Variants in UPP2 observed in about 807,000 individuals in gnomAD.
The protein encoded by UPP2 is uridine phosphorylase 2.
UPP2 carries 23 observed loss-of-function variants against 26.7 expected under a neutral mutation model. The observed-to-expected ratio is 0.86, with a 90% confidence interval of 0.62 to 1.22. The LOEUF (loss-of-function observed/expected upper bound fraction) is 1.22, where lower values mean the gene tolerates loss of function less well. Ranked by LOEUF, UPP2 falls within the 50% of genes most tolerant of loss-of-function variation. The probability of loss-of-function intolerance (pLI) is 0.00; values close to 1 mark genes in which losing one functional copy is unlikely to be tolerated. For missense variants in UPP2, 387 were observed against 396.7 expected (o/e 0.98, Z 0.21); for synonymous variants, 127 against 141.3 (o/e 0.90, Z 0.72).
chr2:158,051,301 A>G (rs1010435000), intron 3 of UPP2, among the ~76,000 whole-genome samples: 22 of 152,154 alleles, frequency 1.4e-4, no homozygotes, highest in African/African-American at 5.1e-4. Context: ...TGCATACTTC[A>G]TAATTAAATT....
At chr2:158,133,506 AG>A in intron 6 of UPP2, among the ~76,000 whole-genome samples, 1 of 152,324 alleles carries the variant, frequency 6.6e-6, no homozygotes, top group East Asian at 1.9e-4. Context: ...TTAAGAGAGT[AG>A]ATTTTAATTG....
At chr2:158,103,287 C>G (rs1390461726) in intron 1 of UPP2, among the ~76,000 whole-genome samples, 4 of 152,042 alleles carry the variant, frequency 2.6e-5, no homozygotes, top group Admixed American at 6.6e-5. Flanking sequence ...GACAGGGCAT[C>G]AAGGAAAACT....
intron 2 of UPP2, among the ~76,000 whole-genome samples, chr2:158,107,423 C>T (rs897218653): frequency 5.3e-5 from 8 of 152,158 alleles, no homozygotes; most frequent in South Asian, 2.1e-4. Flanking sequence ...GTTACAGTTA[C>T]ACCATAGAGT....
chr2:158,039,017 C>T (rs1013907110), intron 3 of UPP2, among the ~76,000 whole-genome samples: 43 of 152,200 alleles, frequency 2.8e-4, no homozygotes, highest in African/African-American at 9.9e-4. Context: ...CTGAGATACT[C>T]CCTGTTCCCA....
intron 3 of UPP2, among the ~76,000 whole-genome samples, chr2:158,092,135 T>C (rs1412260785): frequency 6.6e-6 from 1 of 152,088 alleles, no homozygotes; most frequent in African/African-American, 2.4e-5. Context: ...GAGGACAAAC[T>C]GAGGTGGCCT....
intron 3 of UPP2, among the ~76,000 whole-genome samples, chr2:158,032,068 G>C (rs2105157135): frequency 6.6e-6 from 1 of 152,188 alleles, no homozygotes; most frequent in Non-Finnish European, 1.5e-5. Flanking sequence ...AATGGTACAG[G>C]GTCTGTAAAC....
chr2:158,042,418 C>A (rs773787917), intron 3 of UPP2, among the ~76,000 whole-genome samples: 66 of 152,206 alleles, frequency 4.3e-4, no homozygotes, highest in Non-Finnish European at 7.1e-4. Flanking sequence ...CAGATGCCGC[C>A]CTTCCCCCAT....
chr2:158,075,999 A>G (rs1010804846), intron 3 of UPP2, among the ~76,000 whole-genome samples: 1 of 152,034 alleles, frequency 6.6e-6, no homozygotes, highest in African/African-American at 2.4e-5. Flanking sequence ...AGACATTACA[A>G]CTGATTCCAC....
At chr2:158,052,594 C>T (rs1206030504) in intron 3 of UPP2, among the ~76,000 whole-genome samples, 1 of 152,100 alleles carries the variant, frequency 6.6e-6, no homozygotes, top group Non-Finnish European at 1.5e-5. Flanking sequence ...ACATTGGTTG[C>T]CATATATTAG....
intron 2 of UPP2, among the ~76,000 whole-genome samples, chr2:158,106,754 A>G (rs1472345184): frequency 6.6e-6 from 1 of 152,150 alleles, no homozygotes; most frequent in Non-Finnish European, 1.5e-5. Context: ...ATTTTATCTG[A>G]CATATTTTAA....
intron 3 of UPP2, among the ~76,000 whole-genome samples, chr2:158,084,976 G>C (rs1246657500): frequency 6.6e-6 from 1 of 152,076 alleles, no homozygotes; most frequent in Non-Finnish European, 1.5e-5. Context: ...TGGCTATGCA[G>C]ACTCTTTTTT....
intron 3 of UPP2, among the ~76,000 whole-genome samples, chr2:158,071,437 G>C (rs1390522859): frequency 1.3e-5 from 2 of 151,506 alleles, no homozygotes; most frequent in East Asian, 2.0e-4. Flanking sequence ...TGTAATCCCA[G>C]CTACTGGAGA....
At position 158,121,603 on chromosome 2, in the gene UPP2, T is replaced by A; in HGVS notation, c.649T>A (p.Tyr217Asn). The change falls in exon 5 of 7, where the codon TAT (tyrosine) becomes AAT (asparagine). Residue 217 changes from tyrosine to asparagine, a missense_variant. Transcript: ENST00000005756. ...PTLVGHTMCT[Y>N]DFYEGQGRLD... is the part of the protein sequence containing the mutation. ...CCTCGTTGGACATACAATGTGTACC[T>A]ATGATTTTTATGAAGGTGAGAACAA... 2 of 1,612,756 alleles carry A rather than the reference T, an allele frequency of 1.2e-6. No individual in the cohort carries two copies. Among genetic ancestry groups the A allele is most frequent in the Non-Finnish European group, 1.7e-6 (2 of 1,178,792 alleles).
intron 2 of UPP2, among the ~76,000 whole-genome samples, chr2:158,106,920 G>T (rs924985807): frequency 1.3e-5 from 2 of 152,150 alleles, no homozygotes; most frequent in African/African-American, 4.8e-5. Flanking sequence ...TAAAATAGTT[G>T]TAATTATATA....
chr2:158,039,887 G>A (rs1056578227), intron 3 of UPP2, among the ~76,000 whole-genome samples: 7 of 152,218 alleles, frequency 4.6e-5, no homozygotes, highest in African/African-American at 1.7e-4. Flanking sequence ...CCTAGACTGA[G>A]GCCCCAGGGG....
rs200224313 is a variant in UPP2, at chr2:158,076,165, C to T, written c.148-25875C>T. Among the ~76,000 whole-genome samples, 30 of 151,822 alleles carry T rather than the reference C, an allele frequency of 2.0e-4. No homozygotes were observed. In the East Asian group the frequency reaches 4.6e-3, roughly 23 times the overall value. On this transcript the variant is annotated intron_variant, in intron 3 of 9. Coordinates refer to the UPP2 transcript ENST00000605860. The stretch of plus-strand genomic sequence containing the variant: ...CTGAACAGACCAATAACAACAAGAT[C>T]GAAGTTGTAATACAAATTATCCCAA...
rs80330681 is a variant in UPP2 at position 158,039,802 on chromosome 2, C to T, written c.147+23916C>T. Among the ~76,000 whole-genome samples the T allele has an allele frequency of 8.2e-3, 1,249 of 152,282 alleles. 13 individuals are homozygous for T. The highest frequency in any genetic ancestry group is 0.028 in the African/African-American group (1,145 of 41,564). ...AGCTTGAGAGGCACTAATCTAAGGC[C>T]GACCAAAGTCTAGTCAAATTGGAAC... On this transcript the variant is annotated intron_variant, in intron 3 of 9. Coordinates refer to the UPP2 transcript ENST00000605860.
rs1399867623 is a variant in UPP2, at chr2:158,032,603, T to G, written c.147+16717T>G. 2.6e-5 allele frequency among the ~76,000 whole-genome samples: 4 copies of G among 152,040 alleles called. No individual in the cohort carries two copies. In the East Asian group the frequency reaches 7.7e-4, roughly 29 times the overall value. ...GGAGGTGCTGAAACATGGCTGGGAC[T>G]GAGATCACTGGAGAGGAAGACTCAG... On this transcript the variant is annotated intron_variant, in intron 3 of 9. Coordinates refer to the UPP2 transcript ENST00000605860.
intron 5 of UPP2, among the ~76,000 whole-genome samples, chr2:158,123,393 C>T (rs985238503): frequency 2.6e-5 from 4 of 152,158 alleles, no homozygotes; most frequent in Admixed American, 6.5e-5. Flanking sequence ...GGCCATTCCC[C>T]AGTCATTGGA....
Sources: gnomAD v4.1 joint callset for allele counts (sites outside exome capture counted in the v4.1 genomes callset) on GRCh38, gnomAD v4.1.1 for gene constraint, MANE v1.5 for transcripts, NCBI Gene and HGNC (gene_info 2026-07-23, HGNC 2026-07-21) for gene names.